CCDC88A: variants seen among roughly 807,000 people sequenced by gnomAD.
CCDC88A encodes girdin.
A neutral mutation model predicts 234.3 loss-of-function variants in CCDC88A; 54 were observed. The observed-to-expected ratio is 0.23, with a 90% CI of 0.19 to 0.29. CCDC88A has a LOEUF of 0.29. CCDC88A is among the 10% of genes least tolerant of loss of function. The probability of loss-of-function intolerance (pLI) is 1.00; values close to 1 mark genes in which losing one functional copy is unlikely to be tolerated. For synonymous variants in CCDC88A, 753 were observed against 737.8 expected (o/e 1.02, Z -0.33); for missense variants, 1,832 against 2,123.4 (o/e 0.86, Z 2.70).
Position 55,334,413 on chromosome 2 carries a change from A to G in CCDC88A, c.2408T>C (p.Leu803Pro). The change falls in exon 15 of 33, where the codon CTA (leucine) becomes CCA (proline). Residue 803 changes from leucine (L) to proline (P), a missense_variant. Transcript: ENST00000436346. The surrounding 1 kb of genome is among the most constrained non-coding windows in gnomAD (Gnocchi z 6.1). ...TTCTAGTCTTTTGCTAGATATTTTT[A>G]GTTCTTCTAGGTTTTTCTGCAATGT... is the stretch of plus-strand genomic sequence containing the variant. The part of the protein sequence containing the change: ...NQTLQKNLEE[L>P]KISSKRLEQL... 6.3e-7 allele frequency: 1 copy of G among 1,579,188 alleles called. No individual in the cohort carries two copies. Among genetic ancestry groups the G allele is most frequent in the Non-Finnish European group, 8.5e-7 (1 of 1,170,316 alleles).
At position 55,288,052 on chromosome 2, in the gene CCDC88A, A is replaced by G. The variant is rs1244627476; in HGVS notation, c.*3148T>C. 6.6e-6 allele frequency: 1 copy of G among 152,634 alleles called. No homozygotes were observed. The highest frequency in any genetic ancestry group is 1.5e-5 in the Non-Finnish European group (1 of 68,024). The allele number at this position is 152,634 out of a possible 1,614,324, so 9.5% of individuals were successfully genotyped here. A position where few individuals can be genotyped will look rare whatever the true frequency, so the allele number is the denominator to read the frequency against. On this transcript the variant is annotated 3_prime_UTR_variant, in exon 33 of 33. Transcript: ENST00000436346. ...TTTGCCATTCAACTCTAAATCCCTT[A>G]TTAGCATTAGTTTTAAAGGAAATGT...
intron 22 of CCDC88A, chr2:55,313,798 TA>T (rs1682631441): frequency 6.6e-6 from 1 of 152,124 alleles, no homozygotes; most frequent in Admixed American, 6.5e-5. Context: ...CAGGGAGAAT[TA>T]TACTATAATC....
At chr2:55,331,669 T>G (rs989920204) in intron 16 of CCDC88A, among the ~76,000 whole-genome samples, 1 of 152,206 alleles carries the variant, frequency 6.6e-6, no homozygotes, top group African/African-American at 2.4e-5. Flanking sequence ...AAAATCAGAT[T>G]AACTCTGTTT....
In CCDC88A at chr2:55,296,381, G is replaced by A. The variant is rs1409991896; in HGVS notation, c.4968C>T (p.Leu1656=). Residue 1656 remains leucine (L), a synonymous_variant, in exon 30 of 33, where the codon CTC becomes CTT. Transcript: ENST00000436346. ...LKRQTRSSPV[L]QHKISETLES... ...CCAGTGTTTCAGATATTTTGTGCTG[G>A]AGCACTGGGCTTGATCTGGTCTGTC... 6.2e-7 allele frequency: 1 copy of A among 1,614,172 alleles called. No individual in the cohort carries two copies. The highest frequency in any genetic ancestry group is 8.5e-7 in the Non-Finnish European group (1 of 1,180,032).
chr2:55,293,298 CTA>C (rs1411619813), intron 31 of CCDC88A, among the ~76,000 whole-genome samples: 1 of 152,070 alleles, frequency 6.6e-6, no homozygotes, highest in Non-Finnish European at 1.5e-5. Context: ...TTAATCTCAG[CTA>C]TGTTTACTAT....
intron 8 of CCDC88A, among the ~76,000 whole-genome samples, chr2:55,353,649 C>CAAAAAAAAAAAAAAAAAAAAAA (rs34022778): frequency 5.2e-5 from 4 of 77,082 alleles, no homozygotes; most frequent in Non-Finnish European, 8.0e-5. Context: ...GAAACCAAAC[C>CAAAAAAAAAAAAAAAAAAAAAA]AAAAAAAAAA....
Position 55,317,373 on chromosome 2 carries a change from T to C in CCDC88A, c.3603-24A>G. ...AACTGGGGGGAAAAAAGGCATTTGG[T>C]TTATAATATTTACAAAAAAGAAATT... On this transcript the variant is annotated intron_variant, in intron 20 of 32. Coordinates refer to ENST00000436346, the MANE Select transcript of CCDC88A (RefSeq NM_001365480.1). The surrounding 1 kb of genome is among the most constrained non-coding windows in gnomAD (Gnocchi z 4.2). The C allele has an allele frequency of 3.5e-6, 5 of 1,423,346 alleles. No individual in the cohort carries two copies. The highest frequency in any genetic ancestry group is 4.6e-6 in the Non-Finnish European group (5 of 1,076,756). 88.2% of individuals were successfully genotyped at this position (1,423,346 alleles called of 1,614,324 possible). A position where few individuals can be genotyped will look rare whatever the true frequency, so the allele number is the denominator to read the frequency against.
At chr2:55,346,462 C>A in intron 9 of CCDC88A, 129 bp from the exon 10 acceptor site, 1 of 479,064 alleles carries the variant, frequency 2.1e-6, no homozygotes, top group Non-Finnish European at 3.4e-6. Flanking sequence ...TCTTGTTGCC[C>A]AGGCTGGAGT....
At chr2:55,370,683 TA>T (rs1473092297) in intron 5 of CCDC88A, among the ~76,000 whole-genome samples, 1 of 138,994 alleles carries the variant, frequency 7.2e-6, no homozygotes, top group East Asian at 2.1e-4. Flanking sequence ...TTAACTTGCA[TA>T]TAATTAGTCT....
At chr2:55,315,379 T>C (rs568310328) in intron 22 of CCDC88A, 3 of 152,358 alleles carry the variant, frequency 2.0e-5, no homozygotes, top group East Asian at 1.9e-4. Context: ...CAGGGTTGAA[T>C]AGTTTTGCTT....
intron 17 of CCDC88A, among the ~76,000 whole-genome samples, chr2:55,324,585 T>C (rs908889173): frequency 3.3e-5 from 5 of 152,202 alleles, no homozygotes; most frequent in Non-Finnish European, 7.3e-5. Flanking sequence ...GAAGTTGTTA[T>C]AAAAATTCAT....
chr2:55,352,952 C>G (rs568060300), intron 8 of CCDC88A, among the ~76,000 whole-genome samples: 2 of 152,076 alleles, frequency 1.3e-5, no homozygotes, highest in Non-Finnish European at 2.9e-5. Context: ...ATAAAAAGAA[C>G]TAATAGGAGA....
At position 55,295,223 on chromosome 2, in the gene CCDC88A, C is replaced by T. The variant is rs1204987464; in HGVS notation, c.5551+374G>A. 6 of 1,327,120 alleles carry T rather than the reference C, an allele frequency of 4.5e-6. No individual in the cohort carries two copies. The South Asian group carries it at 7.4e-5, about 16-fold the overall frequency. 82.2% of individuals were successfully genotyped at this position (1,327,120 alleles called of 1,614,324 possible). Reference sequence around the variant, plus strand: ...TACTAGGGTTCTGATGATCAGAAAACTGTTCATTTTCTTTCTGTGCAGGTT... The same window carrying T: ...TACTAGGGTTCTGATGATCAGAAAATTGTTCATTTTCTTTCTGTGCAGGTT... On this transcript the variant is annotated intron_variant, in intron 31 of 32. Transcript: ENST00000436346.
At chr2:55,412,293 C>T (rs896970500) in intron 2 of CCDC88A, among the ~76,000 whole-genome samples, 1 of 152,018 alleles carries the variant, frequency 6.6e-6, no homozygotes, top group African/African-American at 2.4e-5. Flanking sequence ...AACAACTCTG[C>T]CTGGGGACTT....
Position 55,419,214 on chromosome 2 carries a change from G to C in CCDC88A, c.-135C>G, listed in dbSNP as rs1362390556. ...GAGAAAAATCCCATCGTGGAGGAGGGGGGCACTCTCCCTCCTCAAAAAACA... is the reference window on the plus strand; with the variant it reads ...GAGAAAAATCCCATCGTGGAGGAGGCGGGCACTCTCCCTCCTCAAAAAACA... On this transcript the variant is annotated 5_prime_UTR_variant, in exon 1 of 33. Coordinates refer to ENST00000436346, the MANE Select transcript of CCDC88A (RefSeq NM_001365480.1). 1 of 633,772 alleles carries C rather than the reference G, an allele frequency of 1.6e-6. No individual in the cohort carries two copies. The highest frequency in any genetic ancestry group is 2.0e-5 in the South Asian group (1 of 50,714). 39.3% of individuals were successfully genotyped at this position (633,772 alleles called of 1,614,324 possible).
chr2:55,353,061 G>A (rs1466119995), intron 8 of CCDC88A, among the ~76,000 whole-genome samples: 1 of 152,054 alleles, frequency 6.6e-6, no homozygotes, highest in Non-Finnish European at 1.5e-5. Context: ...TAGTTACCGG[G>A]AATACTAGTT....
chr2:55,405,843 TATACTTA>T (rs1482918492), intron 2 of CCDC88A: 3 of 152,142 alleles, frequency 2.0e-5, no homozygotes, highest in Non-Finnish European at 4.4e-5. Context: ...GGGCTGCTGC[TATACTTA>T]ATACTTAAGT....
At position 55,291,791 on chromosome 2, in the gene CCDC88A, A is replaced by G; in HGVS notation, c.5552-16T>C. The G allele has an allele frequency of 2.5e-6, 4 of 1,591,838 alleles. No individual in the cohort carries two copies. The highest frequency in any genetic ancestry group is 3.4e-6 in the Non-Finnish European group (4 of 1,162,080). Reference sequence around the variant, plus strand: ...TTGTCCACATCTGCAGGAGAAAAGCATTTCATGTTATTTAGTCAAAGATGA... The same window carrying G: ...TTGTCCACATCTGCAGGAGAAAAGCGTTTCATGTTATTTAGTCAAAGATGA... On this transcript the variant is annotated splice_polypyrimidine_tract_variant and intron_variant, in intron 31 of 32. Transcript: ENST00000436346.
At chr2:55,296,558 A>G (rs1680053127) in intron 29 of CCDC88A, 35 bp from the exon 30 acceptor site, 1 of 1,591,718 alleles carries the variant, frequency 6.3e-7, no homozygotes, top group Non-Finnish European at 8.6e-7. Context: ...GATTTCAATA[A>G]TAGAATTGAG....
Sources: gnomAD v4.1 joint callset for allele counts (sites outside exome capture counted in the v4.1 genomes callset) on GRCh38, gnomAD v4.1.1 for gene constraint, Gnocchi (gnomAD v3.1) non-coding constraint, MANE v1.5 for transcripts, NCBI Gene and HGNC (gene_info 2026-07-23, HGNC 2026-07-21) for gene names.